Variants in DPYSL3 observed in about 807,000 individuals in gnomAD.
The protein encoded by DPYSL3 is dihydropyrimidinase like 3, also known as dihydropyrimidinase-related protein 3.
DPYSL3 carries 16 observed loss-of-function variants against 66.1 expected under a neutral mutation model. That is an observed-to-expected ratio of 0.24 (90% confidence interval 0.16 to 0.37). DPYSL3 has a LOEUF of 0.37. Among genes scored for constraint, DPYSL3 ranks in the 10% least tolerant of loss-of-function variants. The probability of loss-of-function intolerance (pLI) is 1.00; values close to 1 mark genes in which losing one functional copy is unlikely to be tolerated. For synonymous variants in DPYSL3, 338 were observed against 345.1 expected (o/e 0.98, Z 0.23); for missense variants, 738 against 916.2 (o/e 0.81, Z 2.51).
At chr5:147,428,272 T>C (rs980585731) in intron 1 of DPYSL3, among the ~76,000 whole-genome samples, 2 of 152,208 alleles carry the variant, frequency 1.3e-5, no homozygotes, top group African/African-American at 4.8e-5. Flanking sequence ...ACATTATTAA[T>C]TTGTTTTCAC....
chr5:147,453,474 C>A, intron 1 of DPYSL3: 4 of 1,484,094 alleles, frequency 2.7e-6, no homozygotes, highest in Non-Finnish European at 3.6e-6. Flanking sequence ...CCGGCGGGAT[C>A]CGAGCCGACC....
Position 147,393,181 on chromosome 5 carries a change from G to A in DPYSL3, c.*854C>T, listed in dbSNP as rs573330599. ...TAAGCTGTGGGTGCCCTCACCACGT[G>A]GGCCTGTGCTATGTTCTCAGCTGCT... On this transcript the variant is annotated 3_prime_UTR_variant, in exon 14 of 14. Transcript: ENST00000343218. 3 of 152,340 alleles carry A rather than the reference G, an allele frequency of 2.0e-5. No individual in the cohort carries two copies. In the East Asian group the frequency reaches 5.8e-4, roughly 30 times the overall value. 9.4% of individuals were successfully genotyped at this position (152,340 alleles called of 1,614,324 possible).
At chr5:147,413,481 G>A (rs1751897083) in intron 5 of DPYSL3, 115 bp downstream of exon 5, 1 of 783,754 alleles carries the variant, frequency 1.3e-6, no homozygotes. Context: ...GAAGCATTCT[G>A]GCCCAGTGGT....
chr5:147,508,285 C>G (rs1301710993), intron 1 of DPYSL3, among the ~76,000 whole-genome samples: 1 of 152,130 alleles, frequency 6.6e-6, no homozygotes, highest in Admixed American at 6.5e-5. Context: ...TCTAAACTTT[C>G]AAAAATCAAA....
At chr5:147,435,347 A>G (rs150430749) in intron 1 of DPYSL3, among the ~76,000 whole-genome samples, 15 of 152,348 alleles carry the variant, frequency 9.8e-5, no homozygotes, top group African/African-American at 3.6e-4. Flanking sequence ...TGTTCAATCA[A>G]TCTTCAAGTG....
At chr5:147,402,354 CTT>C (rs1233640144) in intron 8 of DPYSL3, among the ~76,000 whole-genome samples, 1 of 115,474 alleles carries the variant, frequency 8.7e-6, no homozygotes. Context: ...TTTTTTTTTT[CTT>C]TTTTTTTTTG....
At chr5:147,478,774 CTCTA>C (rs879327118) in intron 1 of DPYSL3, among the ~76,000 whole-genome samples, 3 of 152,124 alleles carry the variant, frequency 2.0e-5, no homozygotes, top group Non-Finnish European at 2.9e-5. Flanking sequence ...AAGGTTGGTT[CTCTA>C]TCTGTCTGTG....
chr5:147,408,153 G>A (rs1751756818), intron 7 of DPYSL3, among the ~76,000 whole-genome samples: 1 of 152,130 alleles, frequency 6.6e-6, no homozygotes, highest in Non-Finnish European at 1.5e-5. Flanking sequence ...GTGCTTTCAG[G>A]TACATGGGCA....
intron 6 of DPYSL3, among the ~76,000 whole-genome samples, chr5:147,410,790 C>T (rs372372541): frequency 6.6e-6 from 1 of 152,118 alleles, no homozygotes; most frequent in South Asian, 2.1e-4. Flanking sequence ...ATAGCAGCTG[C>T]CTTCATTTAA....
chr5:147,402,718 G>A (rs927147180), intron 8 of DPYSL3, among the ~76,000 whole-genome samples: 1 of 151,926 alleles, frequency 6.6e-6, no homozygotes, highest in Non-Finnish European at 1.5e-5. Context: ...AATAACCTAG[G>A]ACACATCAAA....
intron 1 of DPYSL3, among the ~76,000 whole-genome samples, chr5:147,488,274 G>T (rs1753365085): frequency 6.6e-6 from 1 of 152,184 alleles, no homozygotes; most frequent in African/African-American, 2.4e-5. Flanking sequence ...GGTAGATCAA[G>T]GGAAGGAAGA....
intron 1 of DPYSL3, among the ~76,000 whole-genome samples, chr5:147,499,597 G>A (rs1753572592): frequency 6.6e-6 from 1 of 152,170 alleles, no homozygotes; most frequent in South Asian, 2.1e-4. Flanking sequence ...CTCATGGACA[G>A]GAAGACTCAA....
intron 7 of DPYSL3, among the ~76,000 whole-genome samples, chr5:147,406,871 A>G (rs1758335737): frequency 6.6e-6 from 1 of 152,194 alleles, no homozygotes; most frequent in Non-Finnish European, 1.5e-5. Flanking sequence ...GTCACTGTCC[A>G]TTGTGGGTGT....
chr5:147,429,448 T>G (rs1217960592), intron 1 of DPYSL3, among the ~76,000 whole-genome samples: 1 of 152,124 alleles, frequency 6.6e-6, no homozygotes, highest in African/African-American at 2.4e-5. Flanking sequence ...TAGTAATACT[T>G]AGCTCACATC....
chr5:147,398,385 GC>G (rs1758060949), intron 11 of DPYSL3, among the ~76,000 whole-genome samples: 1 of 152,068 alleles, frequency 6.6e-6, no homozygotes, highest in South Asian at 2.1e-4. Context: ...TTCACCATTC[GC>G]TTGCTGCACA....
At chr5:147,440,175 C>A (rs944309336) in intron 1 of DPYSL3, among the ~76,000 whole-genome samples, 9 of 152,014 alleles carry the variant, frequency 5.9e-5, no homozygotes, top group Non-Finnish European at 1.0e-4. Flanking sequence ...TGGTGACAGG[C>A]GCCTGTAGTC....
In DPYSL3 at chr5:147,392,367, T is replaced by C. The variant is rs537653143; in HGVS notation, c.*1668A>G. 15 of 152,332 alleles carry C rather than the reference T, an allele frequency of 9.8e-5. No homozygotes were observed. The highest frequency in any genetic ancestry group is 3.6e-4 in the African/African-American group (15 of 41,564). 9.4% of individuals were successfully genotyped at this position (152,332 alleles called of 1,614,324 possible). A position where few individuals can be genotyped will look rare whatever the true frequency, so the allele number is the denominator to read the frequency against. On this transcript the variant is annotated 3_prime_UTR_variant, in exon 14 of 14. Coordinates refer to ENST00000343218, the MANE Select transcript of DPYSL3 (RefSeq NM_001197294.2). ...ATCTCCAAATTCCTTTGTAGCCCAG[T>C]GTGTACTTTTCTCTGGTCTTCAACT...
In DPYSL3 at chr5:147,400,715, A is replaced by T; in HGVS notation, c.1429T>A (p.Ser477Thr). ...EGTNGVEERMSVIWDKAVATG... is the reference protein window; with the variant it reads ...EGTNGVEERMTVIWDKAVATG... ...ACCACAGCCTTGTCCCAGATGACAG[A>T]CATCCGCTCCTCCACACCATTGGTG... Residue 477 changes from serine to threonine, a missense_variant, in exon 10 of 14, where the codon TCT (serine) becomes ACT (threonine). Physicochemically the swap from Ser to Thr is moderately conservative, Grantham distance 58. Transcript: ENST00000343218. The T allele has an allele frequency of 6.2e-7, 1 of 1,614,102 alleles. No homozygotes were observed. The highest frequency in any genetic ancestry group is 8.5e-7 in the Non-Finnish European group (1 of 1,179,976).
At chr5:147,399,360 G>T in intron 10 of DPYSL3, 108 bp from the exon 11 acceptor site, 3 of 1,295,624 alleles carry the variant, frequency 2.3e-6, no homozygotes, top group Non-Finnish European at 3.1e-6. Flanking sequence ...AATACAAAAA[G>T]GAGCCACCTG....
Sources: gnomAD v4.1 joint callset for allele counts (sites outside exome capture counted in the v4.1 genomes callset) on GRCh38, gnomAD v4.1.1 for gene constraint, MANE v1.5 for transcripts, NCBI Gene and HGNC (gene_info 2026-07-23, HGNC 2026-07-21) for gene names.